The following TNRC6A variants were observed in gnomAD, a reference collection of about 807,000 sequenced individuals.
The protein encoded by TNRC6A is trinucleotide repeat containing adaptor 6A.
A neutral mutation model predicts 221.2 loss-of-function variants in TNRC6A; 44 were observed. The observed-to-expected ratio is 0.20, with a 90% CI of 0.16 to 0.26. The LOEUF (loss-of-function observed/expected upper bound fraction) is 0.26. Ranked by LOEUF, TNRC6A falls within the 10% of genes least tolerant of loss-of-function variation. The probability of loss-of-function intolerance (pLI) is 1.00; values close to 1 mark genes in which losing one functional copy is unlikely to be tolerated. For synonymous variants in TNRC6A, 847 were observed against 838.5 expected (o/e 1.01, Z -0.18); for missense variants, 2,199 against 2,404.4 (o/e 0.91, Z 1.79).
intron 2 of TNRC6A, among the ~76,000 whole-genome samples, chr16:24,730,997 G>A (rs894101233): frequency 5.6e-5 from 8 of 143,910 alleles, no homozygotes; most frequent in Non-Finnish European, 1.2e-4. Context: ...TTTTTTAAAC[G>A]ATGTCTTTAT....
chr16:24,645,854 A>AAAAAAAAAAAAC (rs1902256947), intron 2 of TNRC6A, among the ~76,000 whole-genome samples: 1 of 141,876 alleles, frequency 7.0e-6, no homozygotes, highest in Non-Finnish European at 1.5e-5. Context: ...AAAAAAAAAA[A>AAAAAAAAAAAAC]AAAAAAAAAA....
chr16:24,715,810 G>A (rs1029737440), intron 2 of TNRC6A, among the ~76,000 whole-genome samples: 4 of 151,550 alleles, frequency 2.6e-5, no homozygotes, highest in African/African-American at 7.3e-5. Context: ...TAGTAGAGAC[G>A]GGGTTTCCCT....
intron 2 of TNRC6A, among the ~76,000 whole-genome samples, chr16:24,699,587 C>T (rs1596512791): frequency 6.6e-6 from 1 of 151,950 alleles, no homozygotes; most frequent in Non-Finnish European, 1.5e-5. Flanking sequence ...GGCATGGTGG[C>T]GTGCACCTGT....
rs2058157388 is a variant in TNRC6A, at chr16:24,793,589, G to A, written c.3292G>A (p.Ala1098Thr). 2 of 1,563,376 alleles carry A rather than the reference G, an allele frequency of 1.3e-6. No individual in the cohort carries two copies. The highest frequency in any genetic ancestry group is 1.4e-5 in the African/African-American group (1 of 73,314). Residue 1098 changes from alanine (A) to threonine (T), a missense_variant, in exon 7 of 25, where the codon GCA (alanine) becomes ACA (threonine). Ala to Thr is a moderately conservative substitution (Grantham distance 58). This residue lies in a region of TNRC6A where 1,405 missense variants were observed against 1,400.2 expected (regional missense o/e 1.00). Coordinates refer to ENST00000395799, the MANE Select transcript of TNRC6A (RefSeq NM_014494.4). ...GPSWGEPIAAASSTSTWGSSS... is the reference protein window; with the variant it reads ...GPSWGEPIAATSSTSTWGSSS... ...CAGCTGGGGGGAACCCATTGCTGCGGCATCCAGCACATCCACGTGGGGCTC... is the reference window on the plus strand; with the variant it reads ...CAGCTGGGGGGAACCCATTGCTGCGACATCCAGCACATCCACGTGGGGCTC...
intron 9 of TNRC6A, 84 bp downstream of exon 9, chr16:24,796,023 G>A (rs770166449): frequency 1.4e-6 from 2 of 1,472,616 alleles, no homozygotes; most frequent in South Asian, 2.3e-5. Context: ...TTTAGCCTCT[G>A]CTGTGTGCCA....
intron 1 of TNRC6A, among the ~76,000 whole-genome samples, chr16:24,631,360 G>A (rs538328889): frequency 6.6e-6 from 1 of 152,170 alleles, no homozygotes; most frequent in Admixed American, 6.5e-5. Flanking sequence ...AGCAACATTC[G>A]ACACAACATA....
intron 20 of TNRC6A, 44 bp from the exon 21 acceptor site, chr16:24,818,549 A>G: frequency 3.3e-6 from 5 of 1,517,544 alleles, no homozygotes; most frequent in South Asian, 2.2e-5. Flanking sequence ...CTGAACCTCC[A>G]CGTCCCTTGC....
chr16:24,739,691 C>G (rs1401143412), intron 2 of TNRC6A, among the ~76,000 whole-genome samples: 1 of 151,986 alleles, frequency 6.6e-6, no homozygotes, highest in East Asian at 1.9e-4. Context: ...GTTGGCCAGG[C>G]CAGCCTTGAA....
rs769223344 is a variant in TNRC6A at position 24,823,560 on chromosome 16, G to A, written c.5642G>A (p.Arg1881Gln). The change falls in exon 25 of 25, where the codon CGG becomes CAG. Residue 1881 changes from arginine to glutamine, a missense_variant. Physicochemically the swap from Arg to Gln is conservative, Grantham distance 43. Transcript: ENST00000395799. This position sits in a 1 kb window ranked among gnomAD's most constrained non-coding sequence, Gnocchi z 4.3. ...CAGTCTCTCGGGTCCAGCCAGAGCC[G>A]GCTGGGCTCCCTCGACTGTTCCCAC... ...GWQSLGSSQS[R>Q]LGSLDCSHSF... The A allele has an allele frequency of 7.4e-5, 119 of 1,613,978 alleles. No individual in the cohort carries two copies. Among genetic ancestry groups the A allele is most frequent in the Middle Eastern group, 3.3e-4 (2 of 6,082 alleles).
chr16:24,791,211 T>C lies in TNRC6A; in HGVS notation c.2569T>C (p.Trp857Arg). Residue 857 changes from tryptophan to arginine, a missense_variant, in exon 6 of 25, where the codon TGG becomes CGG. Transcript: ENST00000395799. ...QGWSVSASDN[W>R]GETSRNNHWG... ...GTGGTCTGTTTCTGCCAGTGATAAC[T>C]GGGGAGAAACTTCAAGGAATAACCA... 6.2e-7 allele frequency: 1 copy of C among 1,614,050 alleles called. No individual in the cohort carries two copies. The highest frequency in any genetic ancestry group is 8.5e-7 in the Non-Finnish European group (1 of 1,180,000).
At chr16:24,772,736 T>C (rs1419399809) in intron 4 of TNRC6A, among the ~76,000 whole-genome samples, 3 of 152,122 alleles carry the variant, frequency 2.0e-5, no homozygotes, top group South Asian at 2.1e-4. Flanking sequence ...TAAGCCAAGA[T>C]TGCACCACAG....
rs139529656 is a variant in TNRC6A, at chr16:24,611,541, G to A, written n.276+1057G>A. Among the ~76,000 whole-genome samples the A allele has an allele frequency of 2.7e-4, 41 of 152,220 alleles. No homozygotes were observed. In the East Asian group the frequency reaches 7.5e-3, roughly 28 times the overall value. Reference sequence around the variant, plus strand: ...GTCTGACTCTCTGTGGGAGAAACCAGGGCTCAAAGCAGGAGCAAAAAATCT... The same window carrying A: ...GTCTGACTCTCTGTGGGAGAAACCAAGGCTCAAAGCAGGAGCAAAAAATCT... On this transcript the variant is annotated intron_variant and non_coding_transcript_variant, in intron 1 of 2. Coordinates refer to the TNRC6A transcript ENST00000566108.
chr16:24,635,087 TTTTCTTTCTTTC>T (rs201050969), intron 1 of TNRC6A, among the ~76,000 whole-genome samples: 1 of 150,118 alleles, frequency 6.7e-6, no homozygotes, highest in African/African-American at 2.5e-5. Context: ...TCTTTCTTTC[TTTTCTTTCTTTC>T]TTTCTTTCTT....
At chr16:24,686,041 C>A (rs1221172011) in intron 2 of TNRC6A, among the ~76,000 whole-genome samples, 1 of 152,164 alleles carries the variant, frequency 6.6e-6, no homozygotes, top group East Asian at 1.9e-4. Context: ...TGGAGGAGAG[C>A]CCACTGGACA....
At chr16:24,627,265 C>T (rs1239363428) in intron 1 of TNRC6A, among the ~76,000 whole-genome samples, 1 of 152,054 alleles carries the variant, frequency 6.6e-6, no homozygotes, top group African/African-American at 2.4e-5. Context: ...ACATCAGCCT[C>T]GATTGTTTCG....
Position 24,729,668 on chromosome 16 carries a change from TGCG to T in TNRC6A, c.-163_-161del, listed in dbSNP as rs1196544740. The stretch of plus-strand genomic sequence containing the variant: ...GGGCATTCACTTCCGGTCTGGGGCC[TGCG>T]GCGGCGGCGGTGTCGGCGGCGGCGG... On this transcript the variant is annotated 5_prime_UTR_variant, in exon 1 of 25. Transcript: ENST00000395799. 120 of 648,198 alleles carry T rather than the reference TGCG, an allele frequency of 1.9e-4. No homozygotes were observed. Among genetic ancestry groups the T allele is most frequent in the South Asian group, 7.5e-4 (15 of 20,092 alleles). The allele number at this position is 648,198 out of a possible 1,614,324, so 40.2% of individuals were successfully genotyped here.
intron 2 of TNRC6A, among the ~76,000 whole-genome samples, chr16:24,706,720 A>G (rs1213978792): frequency 6.7e-6 from 1 of 150,322 alleles, no homozygotes. Context: ...AAAGTTTCGT[A>G]CTTGTGCATG....
At chr16:24,798,842 T>C (rs527750954) in intron 11 of TNRC6A, among the ~76,000 whole-genome samples, 7 of 152,306 alleles carry the variant, frequency 4.6e-5, no homozygotes, top group African/African-American at 1.7e-4. Context: ...AAATGTAGTA[T>C]ACAAGACTTT....
intron 5 of TNRC6A, among the ~76,000 whole-genome samples, chr16:24,785,831 A>C (rs2057954616): frequency 6.6e-6 from 1 of 152,224 alleles, no homozygotes; most frequent in African/African-American, 2.4e-5. Flanking sequence ...GTGGCAGCAG[A>C]AATACGTTTG....
Sources: allele counts gnomAD v4.1 joint callset (sites outside exome capture counted in the v4.1 genomes callset), GRCh38; gene constraint gnomAD v4.1.1; regional missense constraint gnomAD v4.1.1; non-coding constraint Gnocchi (gnomAD v3.1); transcripts MANE v1.5; gene names NCBI Gene and HGNC (gene_info 2026-07-23, HGNC 2026-07-21).